The following ZNF891 variants were observed in gnomAD, a reference collection of about 807,000 sequenced individuals.
ZNF891 encodes zinc finger protein 891.
For synonymous variants in ZNF891, 199 were observed against 209.0 expected, an observed-to-expected ratio of 0.95 and a Z score of 0.41; for missense variants, 589 against 632.7, an observed-to-expected ratio of 0.93 and a Z score of 0.74.
intron 1 of ZNF891, among the ~76,000 whole-genome samples, chr12:133,123,170 T>C (rs891597464): frequency 2.6e-5 from 4 of 152,188 alleles, no homozygotes; most frequent in African/African-American, 9.6e-5. Flanking sequence ...GACATTTTTA[T>C]TTAGACAAAG....
intron 1 of ZNF891, among the ~76,000 whole-genome samples, chr12:133,129,032 T>C (rs1955847151): frequency 6.6e-6 from 1 of 151,888 alleles, no homozygotes; most frequent in South Asian, 2.1e-4. Flanking sequence ...ATTACAGCAG[T>C]AAAATATTAA....
At chr12:133,126,320 A>C (rs1955814189) in intron 1 of ZNF891, among the ~76,000 whole-genome samples, 1 of 151,952 alleles carries the variant, frequency 6.6e-6, no homozygotes, top group African/African-American at 2.4e-5. Context: ...TAAAAATATA[A>C]AAAATTAGCC....
chr12:133,117,079 C>A lies in ZNF891; in HGVS notation c.*3205G>T, dbSNP rs1955719364. 1 of 152,212 alleles carries A rather than the reference C, an allele frequency of 6.6e-6. No homozygotes were observed. 9.4% of individuals were successfully genotyped at this position (152,212 alleles called of 1,614,324 possible). On this transcript the variant is annotated 3_prime_UTR_variant, in exon 2 of 2. Transcript: ENST00000537226. ...TAGACTTTGCTACTTGCTTTGCTGTCTTCTCCACTGATGGCTCTATTGATA... is the reference window on the plus strand; with the variant it reads ...TAGACTTTGCTACTTGCTTTGCTGTATTCTCCACTGATGGCTCTATTGATA...
rs781096604 is a variant in ZNF891 at position 133,121,155 on chromosome 12, CAT to C, written c.762_763del (p.Trp255AlafsTer16). On this transcript the variant is annotated frameshift_variant, in exon 2 of 2. Coordinates refer to ENST00000537226, the MANE Select transcript of ZNF891 (RefSeq NM_001277291.2). LOFTEE classifies it low-confidence loss of function (END_TRUNC). ...TACTGTTTGATTTCTCTGAAAATGC[CAT>C]AGAGTTGTATCACATTCATGACTTT... 3 of 1,535,212 alleles carry C rather than the reference CAT, an allele frequency of 2.0e-6. No individual in the cohort carries two copies. The highest frequency in any genetic ancestry group is 2.4e-5 in the South Asian group (2 of 83,988).
chr12:133,106,760 G>C lies in ZNF891; in HGVS notation c.*13524C>G. ...GAAGCCTTATGTGAAAGTGATGACT[G>C]TGAAGTAATATGGCCCACACTTTAT... On this transcript the variant is annotated 3_prime_UTR_variant, in exon 2 of 2. Transcript: ENST00000537226. 1 of 1,039,232 alleles carries C rather than the reference G, an allele frequency of 9.6e-7. No individual in the cohort carries two copies. The highest frequency in any genetic ancestry group is 1.3e-6 in the Non-Finnish European group (1 of 742,444). The allele number at this position is 1,039,232 out of a possible 1,614,324, so 64.4% of individuals were successfully genotyped here. A position where few individuals can be genotyped will look rare whatever the true frequency, so the allele number is the denominator to read the frequency against.
intron 1 of ZNF891, among the ~76,000 whole-genome samples, chr12:133,129,068 T>C (rs753945459): frequency 1.3e-5 from 2 of 152,120 alleles, no homozygotes; most frequent in South Asian, 2.1e-4. Context: ...AAAATCACCA[T>C]AGAAATTACT....
intron 1 of ZNF891, chr12:133,125,346 A>C (rs1278567560): frequency 6.6e-6 from 1 of 152,414 alleles, no homozygotes; most frequent in East Asian, 1.9e-4. Flanking sequence ...GGAATTACAA[A>C]TTTTGCAGGT....
Position 133,120,455 on chromosome 12 carries a change from A to G in ZNF891, c.1464T>C (p.Tyr488=), listed in dbSNP as rs1362233257. Residue 488 remains tyrosine, a synonymous_variant, in exon 2 of 2, where the codon TAT becomes TAC. Coordinates refer to ENST00000537226, the MANE Select transcript of ZNF891 (RefSeq NM_001277291.2). The part of the protein sequence containing the change: ...HIRTHTGEKP[Y]ECKECRKAFS... The stretch of plus-strand genomic sequence containing the variant: ...AGGCTTTCCTACATTCCTTACATTC[A>G]TAGGGTTTCTCTCCAGTGTGAGTTC... 1 of 1,605,144 alleles carries G rather than the reference A, an allele frequency of 6.2e-7. No individual in the cohort carries two copies. Among genetic ancestry groups the G allele is most frequent in the African/African-American group, 1.3e-5 (1 of 74,630 alleles).
Position 133,120,624 on chromosome 12 carries a change from T to TA in ZNF891, c.1294dup (p.Tyr432LeufsTer2), listed in dbSNP as rs1955746637. On this transcript the variant is annotated frameshift_variant, in exon 2 of 2. Coordinates refer to ENST00000537226, the MANE Select transcript of ZNF891 (RefSeq NM_001277291.2). LOFTEE classifies it low-confidence loss of function (END_TRUNC). ...GGCTTTTCCACACTCACTGCATTCA[T>TA]AGAGTTTTTCTCCAGTGTGTATTCT... The TA allele has an allele frequency of 1.3e-6, 2 of 1,560,380 alleles. No homozygotes were observed. The highest frequency in any genetic ancestry group is 1.7e-6 in the Non-Finnish European group (2 of 1,153,440).
rs557984470 is a variant in ZNF891, at chr12:133,121,131, A to G, written c.788T>C (p.Val263Ala). 2.9e-5 allele frequency: 44 copies of G among 1,535,340 alleles called. No homozygotes were observed. The East Asian group carries it at 3.9e-4, about 14-fold the overall frequency. ...TLWHFQRNQT[V>A]QKEYTYSKHG... ...TTTAGAATATGTGTACTCTTTTTGTACTGTTTGATTTCTCTGAAAATGCCA... is the reference window on the plus strand; with the variant it reads ...TTTAGAATATGTGTACTCTTTTTGTGCTGTTTGATTTCTCTGAAAATGCCA... The change falls in exon 2 of 2, where the codon GTA becomes GCA. Residue 263 changes from valine (V) to alanine (A), a missense_variant. Physicochemically the swap from Val to Ala is moderately conservative, Grantham distance 64 (BLOSUM62 0). Transcript: ENST00000537226.
chr12:133,129,297 T>C (rs1243472391), intron 1 of ZNF891, among the ~76,000 whole-genome samples: 1 of 150,540 alleles, frequency 6.6e-6, no homozygotes, highest in Non-Finnish European at 1.5e-5. Flanking sequence ...AGGTCGGGAG[T>C]TCCAGACCAG....
rs1798683297 is a variant in ZNF891 at position 133,120,609 on chromosome 12, C to T, written c.1310G>A (p.Cys437Tyr). Residue 437 changes from cysteine (C) to tyrosine (Y), a missense_variant, in exon 2 of 2, where the codon TGT becomes TAT. Transcript: ENST00000537226. Reference sequence around the variant, plus strand: ...AGAGCTCGTGTTGAAGGCTTTTCCACACTCACTGCATTCATAGAGTTTTTC... The same window carrying T: ...AGAGCTCGTGTTGAAGGCTTTTCCATACTCACTGCATTCATAGAGTTTTTC... ...TGEKLYECSE[C>Y]GKAFNTSSHL... is the part of the protein sequence containing the mutation. 1 of 1,560,642 alleles carries T rather than the reference C, an allele frequency of 6.4e-7. No homozygotes were observed. The highest frequency in any genetic ancestry group is 1.4e-5 in the African/African-American group (1 of 73,444).
chr12:133,118,319 C>CTA lies in ZNF891; in HGVS notation c.*1963_*1964dup, dbSNP rs1300400084. On this transcript the variant is annotated 3_prime_UTR_variant, in exon 2 of 2. Coordinates refer to ENST00000537226, the MANE Select transcript of ZNF891 (RefSeq NM_001277291.2). ...TTCTTGTTTTCCTCTTATCTCTCTA[C>CTA]TATAGTTCCTTTAAATGTATGTCTT... 2 of 152,322 alleles carry CTA rather than the reference C, an allele frequency of 1.3e-5. No homozygotes were observed. The highest frequency in any genetic ancestry group is 2.9e-5 in the Non-Finnish European group (2 of 68,056). The allele number at this position is 152,322 out of a possible 1,614,324, so 9.4% of individuals were successfully genotyped here.
intron 1 of ZNF891, among the ~76,000 whole-genome samples, chr12:133,128,782 ACT>A (rs1955844048): frequency 6.8e-6 from 1 of 147,864 alleles, no homozygotes; most frequent in Admixed American, 6.7e-5. Flanking sequence ...ACAGAGTGAA[ACT>A]CTGTCTCGAA....
chr12:133,120,252 C>T lies in ZNF891; in HGVS notation c.*32G>A. 1 of 1,482,132 alleles carries T rather than the reference C, an allele frequency of 6.7e-7. No individual in the cohort carries two copies. The highest frequency in any genetic ancestry group is 9.0e-7 in the Non-Finnish European group (1 of 1,113,314). The allele number at this position is 1,482,132 out of a possible 1,614,324, so 91.8% of individuals were successfully genotyped here. A position where few individuals can be genotyped will look rare whatever the true frequency, so the allele number is the denominator to read the frequency against. On this transcript the variant is annotated 3_prime_UTR_variant, in exon 2 of 2. Coordinates refer to ENST00000537226, the MANE Select transcript of ZNF891 (RefSeq NM_001277291.2). Reference sequence around the variant, plus strand: ...AAGGAGCTTGGAATCCACCTTAAGACAATGAAAACAGCAATTCCACATTCA... The same window carrying T: ...AAGGAGCTTGGAATCCACCTTAAGATAATGAAAACAGCAATTCCACATTCA...
At position 133,121,924 on chromosome 12, in the gene ZNF891, GA is replaced by G. The variant is rs1240351185; in HGVS notation, c.-7del. The G allele has an allele frequency of 6.5e-7, 1 of 1,528,700 alleles. No homozygotes were observed. Among genetic ancestry groups the G allele is most frequent in the East Asian group, 2.4e-5 (1 of 40,914 alleles). The allele number at this position is 1,528,700 out of a possible 1,614,324, so 94.7% of individuals were successfully genotyped here. A position where few individuals can be genotyped will look rare whatever the true frequency, so the allele number is the denominator to read the frequency against. On this transcript the variant is annotated 5_prime_UTR_variant, in exon 2 of 2. It removes the in-frame stop codon of an upstream open reading frame in the 5' UTR. Coordinates refer to ENST00000537226, the MANE Select transcript of ZNF891 (RefSeq NM_001277291.2). ...GATAGGTCCATAACTGCCATTTTAT[GA>G]GTACATAAGCCTGCACAGTAGAGTA...
At chr12:133,127,311 C>G (rs565585590) in intron 1 of ZNF891, among the ~76,000 whole-genome samples, 7 of 152,180 alleles carry the variant, frequency 4.6e-5, no homozygotes, top group African/African-American at 1.7e-4. Flanking sequence ...AGAACTGATC[C>G]ATCAAAGCAA....
chr12:133,129,779 T>G (rs1195192087), intron 1 of ZNF891, among the ~76,000 whole-genome samples: 1 of 151,988 alleles, frequency 6.6e-6, no homozygotes, highest in African/African-American at 2.4e-5. Context: ...ACCAGAGTAT[T>G]AAAGAAATAA....
At position 133,106,783 on chromosome 12, in the gene ZNF891, T is replaced by A; in HGVS notation, c.*13501A>T. Reference sequence around the variant, plus strand: ...CTGTGAAGTAATATGGCCCACACTTTATTCACCACCCTGGAGAAAAAAAAA... The same window carrying A: ...CTGTGAAGTAATATGGCCCACACTTAATTCACCACCCTGGAGAAAAAAAAA... On this transcript the variant is annotated 3_prime_UTR_variant, in exon 2 of 2. Transcript: ENST00000537226. 1.3e-6 allele frequency: 1 copy of A among 758,642 alleles called. No individual in the cohort carries two copies. Among genetic ancestry groups the A allele is most frequent in the Non-Finnish European group, 1.9e-6 (1 of 517,086 alleles). 47.0% of individuals were successfully genotyped at this position (758,642 alleles called of 1,614,324 possible).
Sources: gnomAD v4.1 joint callset for allele counts (sites outside exome capture counted in the v4.1 genomes callset) on GRCh38, gnomAD v4.1.1 for gene constraint, MANE v1.5 for transcripts, NCBI Gene and HGNC (gene_info 2026-07-23, HGNC 2026-07-21) for gene names.